PDGFD: variants seen among roughly 807,000 people sequenced by gnomAD.
The protein encoded by PDGFD is platelet derived growth factor D, also known as platelet-derived growth factor D.
Under a neutral mutation model 44.7 loss-of-function variants are expected in PDGFD, and 30 were observed. The observed-to-expected ratio is 0.67, with a 90% confidence interval of 0.50 to 0.91. The LOEUF (loss-of-function observed/expected upper bound fraction) is 0.91. Ranked by LOEUF, PDGFD falls within the 40% of genes least tolerant of loss-of-function variation. The pLI is 0.00. For missense variants in PDGFD, 445 were observed against 457.8 expected, an observed-to-expected ratio of 0.97 and a Z score of 0.25; for synonymous variants, 173 against 168.4, an observed-to-expected ratio of 1.03 and a Z score of -0.21.
chr11:104,050,606 A>G (rs1591139453), intron 1 of PDGFD, among the ~76,000 whole-genome samples: 2 of 152,290 alleles, frequency 1.3e-5, no homozygotes, highest in East Asian at 1.9e-4. Flanking sequence ...CTCATCAAGT[A>G]AAGTGATAAC....
At chr11:104,132,048 C>T (rs1489200534) in intron 1 of PDGFD, among the ~76,000 whole-genome samples, 5 of 151,472 alleles carry the variant, frequency 3.3e-5, no homozygotes, top group Non-Finnish European at 7.4e-5. Context: ...ATTTACGTAC[C>T]TTCTGACATG....
chr11:103,930,285 AGC>A (rs1858381372), intron 5 of PDGFD, among the ~76,000 whole-genome samples: 1 of 152,140 alleles, frequency 6.6e-6, no homozygotes, highest in African/African-American at 2.4e-5. Flanking sequence ...CTCTAGGTGC[AGC>A]CTAATCACAG....
In PDGFD at chr11:104,103,295, T is replaced by C. The variant is rs111462974; in HGVS notation, c.124+60509A>G. ...TGTTACCTTTTTATTTTTATAAGTA[T>C]AACCAAAATCTCTTGTATGTTTTTT... is the stretch of plus-strand genomic sequence containing the variant. On this transcript the variant is annotated intron_variant, in intron 1 of 6. Coordinates refer to ENST00000393158, the MANE Select transcript of PDGFD (RefSeq NM_025208.5). Among the ~76,000 whole-genome samples the C allele has an allele frequency of 4.6e-5, 7 of 152,054 alleles. 1 individual carries two copies. Among genetic ancestry groups the C allele is most frequent in the African/African-American group, 1.7e-4 (7 of 41,524 alleles).
At chr11:104,121,920 T>C (rs1287354917) in intron 1 of PDGFD, among the ~76,000 whole-genome samples, 2 of 152,088 alleles carry the variant, frequency 1.3e-5, no homozygotes, top group Non-Finnish European at 2.9e-5. Context: ...TCTAATTTCA[T>C]AGTTGAAACT....
intron 1 of PDGFD, among the ~76,000 whole-genome samples, chr11:104,053,762 C>A (rs1860578149): frequency 6.6e-6 from 1 of 152,100 alleles, no homozygotes; most frequent in South Asian, 2.1e-4. Context: ...AGATACAGTG[C>A]TGAGACACAA....
At chr11:104,123,709 T>C (rs554183829) in intron 1 of PDGFD, among the ~76,000 whole-genome samples, 1 of 152,110 alleles carries the variant, frequency 6.6e-6, no homozygotes, top group Non-Finnish European at 1.5e-5. Flanking sequence ...ATGCAGACTT[T>C]GAAAGATTTT....
chr11:103,944,931 G>A (rs1858647372), intron 4 of PDGFD, among the ~76,000 whole-genome samples: 1 of 152,100 alleles, frequency 6.6e-6, no homozygotes, highest in Non-Finnish European at 1.5e-5. Context: ...ACCGATGAAT[G>A]TGTCAGGCCA....
intron 1 of PDGFD, among the ~76,000 whole-genome samples, chr11:104,054,611 G>C (rs1650857501): frequency 6.6e-6 from 1 of 152,156 alleles, no homozygotes; most frequent in African/African-American, 2.4e-5. Flanking sequence ...AGTAGAAGGG[G>C]AGAAAACAAA....
At chr11:103,935,462 C>T (rs1858474700) in intron 5 of PDGFD, among the ~76,000 whole-genome samples, 1 of 152,068 alleles carries the variant, frequency 6.6e-6, no homozygotes, top group Admixed American at 6.5e-5. Flanking sequence ...TGGCAAAAGT[C>T]TCTAAAAGAA....
chr11:104,126,590 A>G (rs952142102), intron 1 of PDGFD, among the ~76,000 whole-genome samples: 2 of 152,114 alleles, frequency 1.3e-5, no homozygotes, highest in African/African-American at 4.8e-5. Context: ...CATAATTAGG[A>G]TGCTATTTCT....
intron 1 of PDGFD, among the ~76,000 whole-genome samples, chr11:104,014,150 C>G (rs768345050): frequency 6.6e-6 from 1 of 152,148 alleles, no homozygotes; most frequent in Non-Finnish European, 1.5e-5. Context: ...CTTTATATAG[C>G]TACTGAATAA....
intron 1 of PDGFD, among the ~76,000 whole-genome samples, chr11:104,127,714 C>T (rs1314891767): frequency 2.0e-5 from 3 of 151,696 alleles, no homozygotes; most frequent in Admixed American, 6.6e-5. Context: ...TGTGTGTGTG[C>T]ATGTGTGTGT....
At chr11:103,953,955 C>G (rs1858798146) in intron 3 of PDGFD, among the ~76,000 whole-genome samples, 1 of 152,156 alleles carries the variant, frequency 6.6e-6, no homozygotes, top group Non-Finnish European at 1.5e-5. Context: ...ACCATCAGCT[C>G]AGGGTCAGTC....
intron 3 of PDGFD, among the ~76,000 whole-genome samples, chr11:103,961,379 G>A (rs1337961744): frequency 6.6e-6 from 1 of 152,114 alleles, no homozygotes; most frequent in African/African-American, 2.4e-5. Flanking sequence ...TAGTTCTACA[G>A]GAGAAAGAAT....
chr11:103,950,413 AAT>A (rs1366410749), intron 3 of PDGFD, among the ~76,000 whole-genome samples: 1 of 132,828 alleles, frequency 7.5e-6, no homozygotes, highest in Non-Finnish European at 1.6e-5. Flanking sequence ...AAAAAAAAAA[AAT>A]TAGCCAGGTG....
chr11:104,086,891 T>TA (rs1861137105), intron 1 of PDGFD, among the ~76,000 whole-genome samples: 1 of 152,298 alleles, frequency 6.6e-6, no homozygotes, highest in Admixed American at 6.5e-5. Context: ...GCAGGAAAAT[T>TA]AGAGTCTACG....
intron 5 of PDGFD, among the ~76,000 whole-genome samples, chr11:103,931,902 AC>A (rs1201168225): frequency 6.6e-6 from 1 of 152,140 alleles, no homozygotes; most frequent in African/African-American, 2.4e-5. Context: ...GTGCATATTT[AC>A]CACATGGTGA....
rs530227253 is a variant in PDGFD at position 103,967,782 on chromosome 11, T to C, written c.511-20058A>G. On this transcript the variant is annotated intron_variant, in intron 3 of 6. Transcript: ENST00000393158. Reference sequence around the variant, plus strand: ...CACCCATATCTTTATTCTCTTCTTGTTTGTCCCTTGCAATCTCTTTAAAAC... The same window carrying C: ...CACCCATATCTTTATTCTCTTCTTGCTTGTCCCTTGCAATCTCTTTAAAAC... 9.8e-5 allele frequency among the ~76,000 whole-genome samples: 15 copies of C among 152,302 alleles called. No individual in the cohort carries two copies. In the South Asian group the frequency reaches 3.1e-3, roughly 32 times the overall value.
At chr11:104,069,776 C>T (rs1007582692) in intron 1 of PDGFD, among the ~76,000 whole-genome samples, 1 of 152,176 alleles carries the variant, frequency 6.6e-6, no homozygotes, top group Non-Finnish European at 1.5e-5. Flanking sequence ...AGGAGAATGG[C>T]GTGAACCCGG....
Sources: gnomAD v4.1 joint callset for allele counts (sites outside exome capture counted in the v4.1 genomes callset) on GRCh38, gnomAD v4.1.1 for gene constraint, MANE v1.5 for transcripts, NCBI Gene and HGNC (gene_info 2026-07-23, HGNC 2026-07-21) for gene names.